KCNT2: variants seen among roughly 807,000 people sequenced by gnomAD.
KCNT2 encodes the protein potassium channel subfamily T member 2.
Under a neutral mutation model 153.8 loss-of-function variants are expected in KCNT2, and 67 were observed. The observed-to-expected ratio is 0.44, with a 90% CI of 0.36 to 0.53. KCNT2 has a LOEUF of 0.53. Among genes scored for constraint, KCNT2 ranks in the 20% least tolerant of loss-of-function variants. The probability of loss-of-function intolerance (pLI) is 0.00; values close to 1 mark genes in which losing one functional copy is unlikely to be tolerated. For missense variants in KCNT2, 975 were observed against 1,354.8 expected (o/e 0.72, Z 4.40); for synonymous variants, 500 against 458.8 (o/e 1.09, Z -1.15).
At chr1:196,422,978 T>A (rs1467312795) in intron 12 of KCNT2, 72 bp downstream of exon 12, 17 of 1,025,500 alleles carry the variant, frequency 1.7e-5, no homozygotes, top group Non-Finnish European at 2.4e-5. Flanking sequence ...GGCGAATTTT[T>A]AAAAACTCAA....
At chr1:196,465,898 A>G (rs928424732) in intron 7 of KCNT2, among the ~76,000 whole-genome samples, 1 of 152,008 alleles carries the variant, frequency 6.6e-6, no homozygotes, top group Non-Finnish European at 1.5e-5. Context: ...TTAATTTCTT[A>G]TAAAAGATAT....
intron 10 of KCNT2, among the ~76,000 whole-genome samples, chr1:196,427,049 G>A (rs1207885277): frequency 6.6e-6 from 1 of 151,902 alleles, no homozygotes; most frequent in African/African-American, 2.4e-5. Context: ...ATAGCAGTGT[G>A]AGAGCAGGCT....
chr1:196,326,480 A>G (rs1230042596), intron 19 of KCNT2, among the ~76,000 whole-genome samples: 2 of 152,136 alleles, frequency 1.3e-5, no homozygotes, highest in Admixed American at 6.6e-5. Flanking sequence ...GACCACTTGC[A>G]AAACAGTTTT....
At chr1:196,457,828 G>A (rs1174415725) in intron 8 of KCNT2, among the ~76,000 whole-genome samples, 1 of 151,880 alleles carries the variant, frequency 6.6e-6, no homozygotes, top group African/African-American at 2.4e-5. Context: ...GCACTCAATT[G>A]CTGCTTGAGA....
Position 196,398,623 on chromosome 1 carries a change from T to A in KCNT2, c.1234A>T (p.Asn412Tyr). Reference protein sequence around the residue: ...RAWAVKDFAPNCPLYVQILKP... With the variant: ...RAWAVKDFAPYCPLYVQILKP... Reference sequence around the variant, plus strand: ...AATATCTGGACATACAAAGGACAATTTGGAGCAAAATCTTTCACAGCCCAT... The same window carrying A: ...AATATCTGGACATACAAAGGACAATATGGAGCAAAATCTTTCACAGCCCAT... Residue 412 changes from asparagine to tyrosine, a missense_variant, in exon 13 of 28, where the codon AAT becomes TAT. Around this residue, in one of 6 missense-constraint regions of KCNT2, gnomAD observed 202 missense variants for 314.9 expected, o/e 0.64. Coordinates refer to ENST00000294725, the MANE Select transcript of KCNT2 (RefSeq NM_198503.5). The A allele has an allele frequency of 6.2e-7, 1 of 1,609,248 alleles. No individual in the cohort carries two copies.
At chr1:196,399,956 G>T (rs762005704) in intron 12 of KCNT2, among the ~76,000 whole-genome samples, 1 of 151,748 alleles carries the variant, frequency 6.6e-6, no homozygotes, top group Non-Finnish European at 1.5e-5. Context: ...CTCCAGAATT[G>T]TGAGCAATAC....
In KCNT2 at chr1:196,482,347, G is replaced by C. The variant is rs759412514; in HGVS notation, c.308C>G (p.Pro103Arg). 4 of 1,574,796 alleles carry C rather than the reference G, an allele frequency of 2.5e-6. No homozygotes were observed. The South Asian group carries it at 4.7e-5, about 19-fold the overall frequency. ...SHIFWVNRSLPLWGLQVSVAL... is the reference protein window; with the variant it reads ...SHIFWVNRSLRLWGLQVSVAL... ...GTACATAACCTGTAAGCCCCACAAAGGTAGACTTCTGTTCACCCAAAAGAT... is the reference window on the plus strand; with the variant it reads ...GTACATAACCTGTAAGCCCCACAAACGTAGACTTCTGTTCACCCAAAAGAT... The change falls in exon 4 of 28, where the codon CCT becomes CGT. Residue 103 changes from proline to arginine, a missense_variant. Physicochemically the swap from Pro to Arg is moderately radical, Grantham distance 103. This residue lies in a region of KCNT2 where 140 missense variants were observed against 216.0 expected (regional missense o/e 0.65). Transcript: ENST00000294725.
intron 26 of KCNT2, among the ~76,000 whole-genome samples, chr1:196,242,855 C>T (rs551000590): frequency 5.8e-4 from 89 of 152,212 alleles, no homozygotes; most frequent in Admixed American, 2.6e-3. Context: ...TCCTATATAA[C>T]TTTAAACATA....
intron 1 of KCNT2, among the ~76,000 whole-genome samples, chr1:196,549,493 G>T (rs1349557039): frequency 6.6e-6 from 1 of 151,814 alleles, no homozygotes; most frequent in Non-Finnish European, 1.5e-5. Flanking sequence ...ACATCTCTGT[G>T]ATACATAGTA....
chr1:196,332,345 TC>T (rs759272446), intron 17 of KCNT2, among the ~76,000 whole-genome samples: 87 of 152,302 alleles, frequency 5.7e-4, no homozygotes, highest in Admixed American at 2.6e-3. Flanking sequence ...AAACACTGTT[TC>T]CTGTGAAGAC....
At chr1:196,510,573 A>C (rs1174732017) in intron 1 of KCNT2, among the ~76,000 whole-genome samples, 3 of 152,246 alleles carry the variant, frequency 2.0e-5, no homozygotes, top group Non-Finnish European at 4.4e-5. Context: ...ATTTATTTAC[A>C]CAAGAAACAA....
chr1:196,454,975 C>T lies in KCNT2; in HGVS notation c.638+10318G>A, dbSNP rs1346155794. ...AGTTCAGTTCCATGTGATTGTTGGA[C>T]TAAAGTACTGTTTCCTCCCTGGCTC... On this transcript the variant is annotated intron_variant, in intron 8 of 27. Transcript: ENST00000294725. Among the ~76,000 whole-genome samples, 11 of 151,962 alleles carry T rather than the reference C, an allele frequency of 7.2e-5. No homozygotes were observed. In the South Asian group the frequency reaches 1.0e-3, roughly 14 times the overall value.
chr1:196,389,069 TGC>T (rs1442169386), intron 13 of KCNT2, among the ~76,000 whole-genome samples: 3 of 151,824 alleles, frequency 2.0e-5, no homozygotes, highest in African/African-American at 7.2e-5. Flanking sequence ...ATTTTTAAAA[TGC>T]GGTTATTGCA....
intron 21 of KCNT2, among the ~76,000 whole-genome samples, chr1:196,309,282 A>G (rs1274022345): frequency 6.6e-6 from 1 of 151,972 alleles, no homozygotes; most frequent in African/African-American, 2.4e-5. Flanking sequence ...TTTGATATAA[A>G]CCAGTATTCT....
chr1:196,525,096 A>G (rs548545636), intron 1 of KCNT2, among the ~76,000 whole-genome samples: 1 of 152,310 alleles, frequency 6.6e-6, no homozygotes, highest in Admixed American at 6.5e-5. Flanking sequence ...GTCATTTACA[A>G]GGATAGCTAA....
chr1:196,228,264 T>C lies in KCNT2; in HGVS notation c.3368A>G (p.Asn1123Ser), dbSNP rs771319550. 9.3e-6 allele frequency: 15 copies of C among 1,611,886 alleles called. No individual in the cohort carries two copies. Among genetic ancestry groups the C allele is most frequent in the Non-Finnish European group, 1.3e-5 (15 of 1,178,436 alleles). The change falls in exon 28 of 28, where the codon AAT becomes AGT. Residue 1123 changes from asparagine (N) to serine (S), a missense_variant. This residue lies in a region of KCNT2 where 241 missense variants were observed against 271.1 expected (regional missense o/e 0.89). Coordinates refer to ENST00000294725, the MANE Select transcript of KCNT2 (RefSeq NM_198503.5). ...SEPSRRNSIC[N>S]VTGQDSREET... ...CTCCCGAGAATCTTGACCAGTGACA[T>C]TGCAGATGCTGTTTCTTCGACTGGG... is the stretch of plus-strand genomic sequence containing the variant.
At chr1:196,402,255 G>A (rs1398719308) in intron 12 of KCNT2, among the ~76,000 whole-genome samples, 1 of 151,376 alleles carries the variant, frequency 6.6e-6, no homozygotes, top group Non-Finnish European at 1.5e-5. Flanking sequence ...AGTAACAAAT[G>A]TTTAATGTTT....
At chr1:196,404,559 C>A (rs1671676258) in intron 12 of KCNT2, among the ~76,000 whole-genome samples, 1 of 151,548 alleles carries the variant, frequency 6.6e-6, no homozygotes, top group Non-Finnish European at 1.5e-5. Context: ...TTGCCAAGAA[C>A]ATTCTTTATG....
intron 1 of KCNT2, among the ~76,000 whole-genome samples, chr1:196,572,540 C>T (rs947808212): frequency 2.0e-5 from 3 of 152,026 alleles, no homozygotes; most frequent in South Asian, 2.1e-4. Context: ...GAACTGCATA[C>T]GTTTTGCCAT....
Sources: allele counts gnomAD v4.1 joint callset (sites outside exome capture counted in the v4.1 genomes callset), GRCh38; gene constraint gnomAD v4.1.1; regional missense constraint gnomAD v4.1.1; transcripts MANE v1.5; gene names NCBI Gene and HGNC (gene_info 2026-07-23, HGNC 2026-07-21).